Variants in ZNF496 observed in about 807,000 individuals in gnomAD.
ZNF496 encodes the protein NSD1 (nuclear receptor binding SET-domain containing 1)-interacting zinc finger protein 1.
Under a neutral mutation model 58.9 loss-of-function variants are expected in ZNF496, and 11 were observed. The ratio of observed to expected loss-of-function variants is 0.19; its 90% CI spans 0.12 to 0.31. The LOEUF (loss-of-function observed/expected upper bound fraction) is 0.31. ZNF496 is among the 10% of genes least tolerant of loss of function. The probability of loss-of-function intolerance (pLI) is 1.00; values close to 1 mark genes in which losing one functional copy is unlikely to be tolerated. For missense variants in ZNF496, 660 were observed against 783.0 expected (o/e 0.84, Z 1.88); for synonymous variants, 338 against 318.2 (o/e 1.06, Z -0.66).
At position 247,309,293 on chromosome 1, in the gene ZNF496, G is replaced by T; in HGVS notation, c.892+406C>A. 1 of 738,766 alleles carries T rather than the reference G, an allele frequency of 1.4e-6. No homozygotes were observed. The highest frequency in any genetic ancestry group is 1.7e-6 in the Non-Finnish European group (1 of 591,662). 45.8% of individuals were successfully genotyped at this position (738,766 alleles called of 1,614,324 possible). A position where few individuals can be genotyped will look rare whatever the true frequency, so the allele number is the denominator to read the frequency against. The stretch of plus-strand genomic sequence containing the variant: ...CAGCACCCCTGTACCAGGCAGATGG[G>T]AAGACTAGACAGGTGAGGCACCTCA... On this transcript the variant is annotated intron_variant, in intron 8 of 9. Coordinates refer to ENST00000682384, the MANE Select transcript of ZNF496 (RefSeq NM_032752.3). The surrounding 1 kb of genome is among the most constrained non-coding windows in gnomAD (Gnocchi z 4.3).
rs991997067 is a variant in ZNF496, at chr1:247,310,224, G to A, written c.784+100C>T. 28 of 1,554,832 alleles carry A rather than the reference G, an allele frequency of 1.8e-5. No individual in the cohort carries two copies. In the Middle Eastern group the frequency reaches 7.1e-4, roughly 39 times the overall value. The stretch of plus-strand genomic sequence containing the variant: ...AACAGAGAGATCTGATGCAGGCCCC[G>A]CTTCCCTGATCCTATGGGACGAAGT... On this transcript the variant is annotated intron_variant, in intron 7 of 9. Transcript: ENST00000682384.
rs779568946 is a variant in ZNF496 at position 247,310,452 on chromosome 1, C to T, written c.656G>A (p.Arg219Gln). The T allele has an allele frequency of 1.7e-5, 28 of 1,613,960 alleles. No individual in the cohort carries two copies. The highest frequency in any genetic ancestry group is 1.2e-4 in the African/African-American group (9 of 74,896). The change falls in exon 7 of 10, where the codon CGG (arginine) becomes CAG (glutamine). Residue 219 changes from arginine (R) to glutamine (Q), a missense_variant. By Grantham distance (43) the Arg-to-Gln change is conservative. Coordinates refer to ENST00000682384, the MANE Select transcript of ZNF496 (RefSeq NM_032752.3). ...QVTTLQLPPS[R>Q]VSPFKDMILC... Reference sequence around the variant, plus strand: ...AATCATGTCCTTGAATGGAGAAACCCGACTCTGAAAGCACAGGAGAACAGG... The same window carrying T: ...AATCATGTCCTTGAATGGAGAAACCTGACTCTGAAAGCACAGGAGAACAGG...
Position 247,300,263 on chromosome 1 carries a change from G to T in ZNF496, c.*256C>A. The T allele has an allele frequency of 5.0e-6, 2 of 399,966 alleles. No homozygotes were observed. Among genetic ancestry groups the T allele is most frequent in the Non-Finnish European group, 8.9e-6 (2 of 223,700 alleles). 24.8% of individuals were successfully genotyped at this position (399,966 alleles called of 1,614,324 possible). On this transcript the variant is annotated 3_prime_UTR_variant, in exon 10 of 10. Coordinates refer to ENST00000682384, the MANE Select transcript of ZNF496 (RefSeq NM_032752.3). This position sits in a 1 kb window ranked among gnomAD's most constrained non-coding sequence, Gnocchi z 5.7. The stretch of plus-strand genomic sequence containing the variant: ...CTCTAAGACGCAGAACACCTGGCAT[G>T]TCCAACCTGGTGATGGCACATCCCC...
At chr1:247,316,885 C>T (rs889180721) in intron 6 of ZNF496, among the ~76,000 whole-genome samples, 7 of 152,044 alleles carry the variant, frequency 4.6e-5, no homozygotes, top group Non-Finnish European at 1.0e-4. Flanking sequence ...TGATCTACAG[C>T]GGGATCCTTT....
chr1:247,316,132 A>AC (rs1338383225), intron 6 of ZNF496, among the ~76,000 whole-genome samples: 1 of 86,812 alleles, frequency 1.2e-5, no homozygotes, highest in Non-Finnish European at 2.6e-5. Context: ...TTCCTGGGAG[A>AC]GGGGTGTGTG....
At chr1:247,315,180 A>T (rs1043006797) in intron 6 of ZNF496, among the ~76,000 whole-genome samples, 2 of 151,756 alleles carry the variant, frequency 1.3e-5, no homozygotes, top group African/African-American at 4.8e-5. Context: ...CTATGGAATA[A>T]TTATGCGTCA....
At chr1:247,303,804 T>C (rs896367642) in intron 9 of ZNF496, among the ~76,000 whole-genome samples, 19 of 152,138 alleles carry the variant, frequency 1.2e-4, no homozygotes, top group African/African-American at 4.3e-4. Context: ...ATTCTGTCTA[T>C]CCATACGGCA....
chr1:247,301,880 G>A (rs1297942618), intron 9 of ZNF496, among the ~76,000 whole-genome samples: 1 of 152,204 alleles, frequency 6.6e-6, no homozygotes, highest in Non-Finnish European at 1.5e-5. Flanking sequence ...ACTCAGCCTT[G>A]CTAGGCTGCT....
intron 9 of ZNF496, among the ~76,000 whole-genome samples, chr1:247,304,367 TAG>T (rs1289254235): frequency 1.1e-5 from 1 of 93,614 alleles, no homozygotes; most frequent in Non-Finnish European, 2.2e-5. Flanking sequence ...AATGACCTGC[TAG>T]ATTTTTTTTT....
Position 247,329,449 on chromosome 1 carries a change from G to C in ZNF496, c.130C>G (p.Leu44Val), listed in dbSNP as rs1660246170. ...ELPSPESSRR[L>V]FRRFRYQEAA... ...TCCTGGTAGCGGAAACGGCGGAAGA[G>C]ACGCCGAGAGGACTCGGGGCTGGGA... is the stretch of plus-strand genomic sequence containing the variant. The change falls in exon 4 of 10, where the codon CTC becomes GTC. Residue 44 changes from leucine (L) to valine (V), a missense_variant. Leu to Val is a conservative substitution (Grantham distance 32). Transcript: ENST00000682384. The surrounding 1 kb of genome is among the most constrained non-coding windows in gnomAD (Gnocchi z 5.5). 1 of 1,612,470 alleles carries C rather than the reference G, an allele frequency of 6.2e-7. No individual in the cohort carries two copies. Among genetic ancestry groups the C allele is most frequent in the Non-Finnish European group, 8.5e-7 (1 of 1,179,460 alleles).
intron 6 of ZNF496, chr1:247,322,570 A>G (rs1659995371): frequency 2.4e-6 from 1 of 418,284 alleles, no homozygotes; most frequent in Admixed American, 3.5e-5. Flanking sequence ...TGGGCTAGAG[A>G]GAGGCGAGTA....
chr1:247,326,850 T>C (rs1463944683), intron 5 of ZNF496, among the ~76,000 whole-genome samples: 3 of 152,084 alleles, frequency 2.0e-5, no homozygotes, highest in Non-Finnish European at 4.4e-5. Context: ...AAAGACCACA[T>C]AAAGAGACCC....
intron 9 of ZNF496, among the ~76,000 whole-genome samples, chr1:247,306,514 CTT>C (rs371629419): frequency 7.8e-6 from 1 of 128,534 alleles, no homozygotes. Flanking sequence ...TTTTCTTTTT[CTT>C]TTTTTTTTTG....
intron 9 of ZNF496, chr1:247,306,947 C>T (rs1659434538): frequency 5.9e-6 from 2 of 341,252 alleles, no homozygotes; most frequent in African/African-American, 2.2e-5. Context: ...TGCACAGAAT[C>T]ATGTCATCAT....
intron 9 of ZNF496, among the ~76,000 whole-genome samples, chr1:247,305,844 C>T (rs1175748436): frequency 6.6e-6 from 1 of 152,128 alleles, no homozygotes; most frequent in Non-Finnish European, 1.5e-5. Flanking sequence ...ATTTGGGAAG[C>T]CAAAGCAGAA....
intron 6 of ZNF496, chr1:247,311,565 A>G (rs1248450628): frequency 1.3e-5 from 2 of 152,492 alleles, no homozygotes; most frequent in East Asian, 1.9e-4. Context: ...TCCTGAACCT[A>G]TGGGTCACAG....
intron 6 of ZNF496, chr1:247,322,936 G>T: frequency 1.3e-6 from 1 of 757,014 alleles, no homozygotes; most frequent in Non-Finnish European, 2.0e-6. Context: ...CCTGAAGGTG[G>T]CCTGATGACA....
Position 247,309,300 on chromosome 1 carries a change from A to C in ZNF496, c.892+399T>G. On this transcript the variant is annotated intron_variant, in intron 8 of 9. Transcript: ENST00000682384. This position sits in a 1 kb window ranked among gnomAD's most constrained non-coding sequence, Gnocchi z 4.3. ...CCTGTACCAGGCAGATGGGAAGACT[A>C]GACAGGTGAGGCACCTCAAAGGGCT... 1 of 783,834 alleles carries C rather than the reference A, an allele frequency of 1.3e-6. No individual in the cohort carries two copies. The highest frequency in any genetic ancestry group is 1.6e-6 in the Non-Finnish European group (1 of 630,734). The allele number at this position is 783,834 out of a possible 1,614,324, so 48.6% of individuals were successfully genotyped here.
Position 247,329,290 on chromosome 1 carries a change from C to T in ZNF496, c.289G>A (p.Glu97Lys). 1 of 1,613,632 alleles carries T rather than the reference C, an allele frequency of 6.2e-7. No individual in the cohort carries two copies. Among genetic ancestry groups the T allele is most frequent in the Non-Finnish European group, 8.5e-7 (1 of 1,179,996 alleles). ...TGCGCCCGCACCCAGCTCTGGATCTCCCGGGGCAGGATGGCCAGGAACTGC... is the reference window on the plus strand; with the variant it reads ...TGCGCCCGCACCCAGCTCTGGATCTTCCGGGGCAGGATGGCCAGGAACTGC... Reference protein sequence around the residue: ...LEQFLAILPREIQSWVRAQEP... With the variant: ...LEQFLAILPRKIQSWVRAQEP... Residue 97 changes from glutamate to lysine, a missense_variant, in exon 4 of 10, where the codon GAG becomes AAG. Coordinates refer to ENST00000682384, the MANE Select transcript of ZNF496 (RefSeq NM_032752.3). The surrounding 1 kb of genome is among the most constrained non-coding windows in gnomAD (Gnocchi z 5.5).
Sources: allele counts gnomAD v4.1 joint callset (sites outside exome capture counted in the v4.1 genomes callset), GRCh38; gene constraint gnomAD v4.1.1; non-coding constraint Gnocchi (gnomAD v3.1); transcripts MANE v1.5; gene names NCBI Gene and HGNC (gene_info 2026-07-23, HGNC 2026-07-21).